The following GPC5 variants were observed in gnomAD, a reference collection of about 807,000 sequenced individuals.
The protein encoded by GPC5 is glypican 5.
GPC5 carries 47 observed loss-of-function variants against 53.9 expected under a neutral mutation model. That is an observed-to-expected ratio of 0.87 (90% CI 0.69 to 1.11). The LOEUF (loss-of-function observed/expected upper bound fraction) is 1.11, where lower values mean the gene tolerates loss of function less well. Ranked by LOEUF, GPC5 falls within the 50% of genes most tolerant of loss-of-function variation. GPC5 has a pLI of 0.00. For synonymous variants in GPC5, 286 were observed against 263.3 expected (o/e 1.09, Z -0.84); for missense variants, 748 against 713.1 (o/e 1.05, Z -0.56).
chr13:91,974,804 A>G (rs1594699340), intron 6 of GPC5, among the ~76,000 whole-genome samples: 8 of 152,258 alleles, frequency 5.3e-5, no homozygotes, highest in African/African-American at 1.4e-4. Context: ...AAGAGCCCAC[A>G]ATGCCAAGAC....
intron 7 of GPC5, chr13:92,448,135 T>C (rs968461638): frequency 6.6e-6 from 1 of 152,138 alleles, no homozygotes. Context: ...CTCTCAGTTC[T>C]ACTTTAAAGG....
In GPC5 at chr13:91,499,239, G is replaced by A. The variant is rs542986345; in HGVS notation, c.325+50317G>A. Among the ~76,000 whole-genome samples, 6 of 152,226 alleles carry A rather than the reference G, an allele frequency of 3.9e-5. No individual in the cohort carries two copies. In the South Asian group the frequency reaches 8.3e-4, roughly 21 times the overall value. ...AGCAGGAAGAGGGTGTTGGGTATAA[G>A]GAGTTCAGGTTTGGTGTGGTTCAGT... On this transcript the variant is annotated intron_variant, in intron 2 of 7. Coordinates refer to ENST00000377067, the MANE Select transcript of GPC5 (RefSeq NM_004466.6).
chr13:92,477,626 G>A (rs540232040), intron 7 of GPC5, among the ~76,000 whole-genome samples: 1 of 152,172 alleles, frequency 6.6e-6, no homozygotes, highest in African/African-American at 2.4e-5. Context: ...AAAAGTAGCT[G>A]TAGCCAAAAC....
chr13:92,426,010 A>G (rs1040015747), intron 7 of GPC5, among the ~76,000 whole-genome samples: 2 of 152,176 alleles, frequency 1.3e-5, no homozygotes, highest in Middle Eastern at 3.4e-3. Context: ...CCCTGTTGAT[A>G]GGTATTTAGG....
At chr13:91,637,078 C>G (rs1000668662) in intron 2 of GPC5, among the ~76,000 whole-genome samples, 1 of 152,122 alleles carries the variant, frequency 6.6e-6, no homozygotes, top group Non-Finnish European at 1.5e-5. Context: ...AGAAGTTTGA[C>G]CTTTTACTAT....
intron 7 of GPC5, among the ~76,000 whole-genome samples, chr13:92,633,173 G>A (rs1425015849): frequency 8.5e-5 from 13 of 152,222 alleles, no homozygotes; most frequent in South Asian, 6.2e-4. Flanking sequence ...GATTACAGGC[G>A]TGAGCCACCA....
chr13:92,080,262 T>C (rs1418155846), intron 6 of GPC5, among the ~76,000 whole-genome samples: 1 of 152,096 alleles, frequency 6.6e-6, no homozygotes, highest in African/African-American at 2.4e-5. Context: ...TCCAACCACA[T>C]CCTCTTCTTG....
At chr13:91,705,973 T>C (rs1000971622) in intron 3 of GPC5, among the ~76,000 whole-genome samples, 2 of 150,370 alleles carry the variant, frequency 1.3e-5, no homozygotes, top group African/African-American at 2.5e-5. Flanking sequence ...CTCCGCCTCC[T>C]GAGTTCAAGC....
At chr13:92,170,307 T>C (rs1399826566) in intron 7 of GPC5, among the ~76,000 whole-genome samples, 2 of 151,872 alleles carry the variant, frequency 1.3e-5, no homozygotes, top group African/African-American at 4.8e-5. Flanking sequence ...TATTGCTGTA[T>C]ATTTTAAAAT....
chr13:92,570,229 A>T (rs1401692243), intron 7 of GPC5, among the ~76,000 whole-genome samples: 1 of 152,196 alleles, frequency 6.6e-6, no homozygotes, highest in Non-Finnish European at 1.5e-5. Flanking sequence ...CCAAGAGTTA[A>T]TATCGGTGTA....
At chr13:92,766,760 A>T (rs1447296206) in intron 7 of GPC5, among the ~76,000 whole-genome samples, 1 of 152,234 alleles carries the variant, frequency 6.6e-6, no homozygotes, top group African/African-American at 2.4e-5. Flanking sequence ...TAGTTGAATA[A>T]ATTCATTTGC....
chr13:92,279,433 T>G (rs971012461), intron 7 of GPC5, among the ~76,000 whole-genome samples: 82 of 152,176 alleles, frequency 5.4e-4, no homozygotes, highest in East Asian at 1.9e-4. Flanking sequence ...TCATCTGCAA[T>G]AGAGATAGTT....
At chr13:92,017,566 T>G (rs1196832716) in intron 6 of GPC5, among the ~76,000 whole-genome samples, 1 of 152,026 alleles carries the variant, frequency 6.6e-6, no homozygotes, top group Non-Finnish European at 1.5e-5. Context: ...TCAACTCACA[T>G]TTTTAAAGTT....
intron 2 of GPC5, among the ~76,000 whole-genome samples, chr13:91,664,355 G>T (rs1447243416): frequency 6.6e-6 from 1 of 152,190 alleles, no homozygotes; most frequent in Non-Finnish European, 1.5e-5. Context: ...TCACCTCTGT[G>T]AGGAGTCCCT....
chr13:91,833,190 C>G (rs1453423922), intron 5 of GPC5, among the ~76,000 whole-genome samples: 1 of 151,960 alleles, frequency 6.6e-6, no homozygotes, highest in Non-Finnish European at 1.5e-5. Context: ...CAAGACTAAA[C>G]CAGGAAGAAG....
At chr13:91,875,171 T>A (rs1047796627) in intron 5 of GPC5, among the ~76,000 whole-genome samples, 1 of 152,188 alleles carries the variant, frequency 6.6e-6, no homozygotes, top group Non-Finnish European at 1.5e-5. Context: ...GTATATGTCC[T>A]TTATTGGATG....
In GPC5 at chr13:91,832,955, C is replaced by G. The variant is rs190390832; in HGVS notation, c.1281-74982C>G. On this transcript the variant is annotated intron_variant, in intron 5 of 7. Coordinates refer to ENST00000377067, the MANE Select transcript of GPC5 (RefSeq NM_004466.6). ...TTCAAAAAAATCAATGAATCCAGGA[C>G]CTGGTTTTTTGAAAAGATCAACAAA... 8.6e-5 allele frequency among the ~76,000 whole-genome samples: 13 copies of G among 151,522 alleles called. No homozygotes were observed. In the East Asian group the frequency reaches 2.5e-3, roughly 29 times the overall value.
intron 7 of GPC5, among the ~76,000 whole-genome samples, chr13:92,852,222 C>A (rs1366472208): frequency 6.6e-6 from 1 of 152,092 alleles, no homozygotes; most frequent in Non-Finnish European, 1.5e-5. Context: ...AGAAAACACT[C>A]ACAAAGAGGG....
intron 7 of GPC5, among the ~76,000 whole-genome samples, chr13:92,825,389 TA>T (rs746516410): frequency 6.6e-6 from 1 of 152,076 alleles, no homozygotes; most frequent in Non-Finnish European, 1.5e-5. Context: ...GCAATAAAAA[TA>T]AAGACAAGGG....
Sources: allele counts gnomAD v4.1 joint callset (sites outside exome capture counted in the v4.1 genomes callset), GRCh38; gene constraint gnomAD v4.1.1; transcripts MANE v1.5; gene names NCBI Gene and HGNC (gene_info 2026-07-23, HGNC 2026-07-21).